Variants in RCAN1 observed in about 807,000 individuals in gnomAD.
The protein encoded by RCAN1 is regulator of calcineurin 1.
Under a neutral mutation model 22.9 loss-of-function variants are expected in RCAN1, and 11 were observed. That is an observed-to-expected ratio of 0.48 (90% confidence interval 0.30 to 0.79). RCAN1 has a LOEUF of 0.79. RCAN1 is among the 30% of genes least tolerant of loss of function. The pLI, the probability that RCAN1 is intolerant of heterozygous loss-of-function variation, is 0.06. For missense variants in RCAN1, 291 were observed against 337.8 expected, an observed-to-expected ratio of 0.86 and a Z score of 1.09; for synonymous variants, 136 against 142.3, an observed-to-expected ratio of 0.96 and a Z score of 0.32.
intron 3 of RCAN1, among the ~76,000 whole-genome samples, chr21:34,520,088 C>T (rs932012844): frequency 5.9e-5 from 9 of 152,142 alleles, no homozygotes; most frequent in Non-Finnish European, 1.2e-4. Context: ...TTTGCAAAAT[C>T]TCCGCAATCC....
intron 1 of RCAN1, among the ~76,000 whole-genome samples, chr21:34,568,627 A>G (rs1481935546): frequency 6.6e-6 from 1 of 152,218 alleles, no homozygotes; most frequent in East Asian, 1.9e-4. Flanking sequence ...GAGGTCTTTA[A>G]GAAGAAAGGA....
intron 1 of RCAN1, among the ~76,000 whole-genome samples, chr21:34,602,238 A>G (rs1601219404): frequency 6.6e-6 from 1 of 152,136 alleles, no homozygotes; most frequent in African/African-American, 2.4e-5. Context: ...ACAGCCCCGA[A>G]GGCAGCCAGC....
intron 1 of RCAN1, among the ~76,000 whole-genome samples, chr21:34,594,561 C>A (rs1988085191): frequency 6.6e-6 from 1 of 151,898 alleles, no homozygotes; most frequent in African/African-American, 2.4e-5. Context: ...AAAACAAGAA[C>A]AACAACAACA....
At chr21:34,526,526 G>A (rs1985065109) in intron 1 of RCAN1, 2 of 823,832 alleles carry the variant, frequency 2.4e-6, no homozygotes, top group African/African-American at 3.6e-5. Context: ...GATTTTCAAG[G>A]CTCGAAAGAC....
chr21:34,597,697 T>C (rs923040808), intron 1 of RCAN1, among the ~76,000 whole-genome samples: 3 of 152,216 alleles, frequency 2.0e-5, no homozygotes, highest in East Asian at 1.9e-4. Context: ...CTGCTGCCTC[T>C]ATAATGTTGA....
rs763404464 is a variant in RCAN1, at chr21:34,518,277, C to T, written c.587-21G>A. 9.9e-6 allele frequency: 16 copies of T among 1,611,318 alleles called. No individual in the cohort carries two copies. The highest frequency in any genetic ancestry group is 1.8e-4 in the Middle Eastern group (1 of 5,636). On this transcript the variant is annotated intron_variant, in intron 3 of 3. Coordinates refer to ENST00000313806, the MANE Select transcript of RCAN1 (RefSeq NM_004414.7). The surrounding 1 kb of genome is among the most constrained non-coding windows in gnomAD (Gnocchi z 4.2). ...TTCCCCTAAGGAGGGAAAATAATCG[C>T]AGGGTCACTCAGACAAGTCCTTGGG... is the stretch of plus-strand genomic sequence containing the variant.
intron 1 of RCAN1, among the ~76,000 whole-genome samples, chr21:34,580,005 G>A (rs886489414): frequency 6.6e-6 from 1 of 152,198 alleles, no homozygotes; most frequent in Non-Finnish European, 1.5e-5. Context: ...CTATCCGTCT[G>A]ATTCTCCCAC....
intron 1 of RCAN1, among the ~76,000 whole-genome samples, chr21:34,585,273 A>C (rs1321619999): frequency 6.6e-6 from 1 of 152,240 alleles, no homozygotes; most frequent in East Asian, 1.9e-4. Context: ...AATAATGCTA[A>C]TGTCATTAGC....
At chr21:34,609,201 T>C (rs1988620719) in intron 1 of RCAN1, among the ~76,000 whole-genome samples, 1 of 152,222 alleles carries the variant, frequency 6.6e-6, no homozygotes, top group South Asian at 2.1e-4. Context: ...TCTACTGCCA[T>C]GGTATAGCCT....
At chr21:34,591,181 A>G (rs531536743) in intron 1 of RCAN1, among the ~76,000 whole-genome samples, 1 of 152,326 alleles carries the variant, frequency 6.6e-6, no homozygotes, top group South Asian at 2.1e-4. Context: ...CAGTTCTAGG[A>G]GCTGATAATG....
chr21:34,612,356 C>T (rs1988706162), intron 1 of RCAN1, among the ~76,000 whole-genome samples: 2 of 152,216 alleles, frequency 1.3e-5, no homozygotes, highest in South Asian at 4.1e-4. Flanking sequence ...ATGGAGTTCA[C>T]CCTGCACTGG....
At chr21:34,550,737 T>C (rs928826951) in intron 1 of RCAN1, among the ~76,000 whole-genome samples, 2 of 152,218 alleles carry the variant, frequency 1.3e-5, no homozygotes, top group Non-Finnish European at 2.9e-5. Flanking sequence ...ATATAAAATA[T>C]GCCCATCTCA....
At chr21:34,563,770 A>AATATATATAT (rs1199194939) in intron 1 of RCAN1, among the ~76,000 whole-genome samples, 3 of 65,442 alleles carry the variant, frequency 4.6e-5, no homozygotes, top group East Asian at 4.9e-4. Context: ...AAAAAAAAAA[A>AATATATATAT]ATATATATAT....
intron 1 of RCAN1, among the ~76,000 whole-genome samples, chr21:34,600,625 C>A (rs1369071065): frequency 1.3e-5 from 2 of 152,072 alleles, no homozygotes; most frequent in Admixed American, 1.3e-4. Flanking sequence ...TGCTAAGAAG[C>A]CTAGGATTTC....
intron 1 of RCAN1, among the ~76,000 whole-genome samples, chr21:34,537,542 C>A (rs1032937357): frequency 2.6e-5 from 4 of 152,208 alleles, no homozygotes; most frequent in Non-Finnish European, 5.9e-5. Flanking sequence ...GTTGGGGAAC[C>A]CATGCTCTTC....
chr21:34,553,159 C>A (rs1487342044), intron 1 of RCAN1, among the ~76,000 whole-genome samples: 3 of 152,162 alleles, frequency 2.0e-5, no homozygotes, highest in Non-Finnish European at 4.4e-5. Flanking sequence ...AGCAACTCTG[C>A]GGAAGCCAAC....
intron 1 of RCAN1, among the ~76,000 whole-genome samples, chr21:34,581,319 CT>C (rs1035012006): frequency 2.0e-5 from 3 of 152,156 alleles, no homozygotes; most frequent in African/African-American, 7.2e-5. Context: ...ACTGCCTCTG[CT>C]TAGGCAGTTC....
chr21:34,537,683 C>T lies in RCAN1; in HGVS notation c.253-13973G>A, dbSNP rs530802389. Among the ~76,000 whole-genome samples the T allele has an allele frequency of 2.0e-5, 3 of 152,340 alleles. No individual in the cohort carries two copies. In the South Asian group the frequency reaches 6.2e-4, roughly 32 times the overall value. ...TAATTCATCAAAAACAGATTAGTCA[C>T]CTGCTAGGGCCAGCCATGGTGTGAG... On this transcript the variant is annotated intron_variant, in intron 1 of 3. Coordinates refer to ENST00000313806, the MANE Select transcript of RCAN1 (RefSeq NM_004414.7).
chr21:34,573,621 C>T (rs1400538175), intron 1 of RCAN1, among the ~76,000 whole-genome samples: 1 of 152,190 alleles, frequency 6.6e-6, no homozygotes, highest in Non-Finnish European at 1.5e-5. Flanking sequence ...CCTCAACTTC[C>T]ACTTTATAAA....
Sources: gnomAD v4.1 joint callset for allele counts (sites outside exome capture counted in the v4.1 genomes callset) on GRCh38, gnomAD v4.1.1 for gene constraint, Gnocchi (gnomAD v3.1) non-coding constraint, MANE v1.5 for transcripts, NCBI Gene and HGNC (gene_info 2026-07-23, HGNC 2026-07-21) for gene names.